Variants in RSU1 observed in about 807,000 individuals in gnomAD.
RSU1 encodes the protein Ras suppressor protein 1, also known as rsu-1.
A neutral mutation model predicts 31.1 loss-of-function variants in RSU1; 26 were observed. That is an observed-to-expected ratio of 0.84 (90% CI 0.61 to 1.16). RSU1 has a LOEUF of 1.16. RSU1 is among the 50% of genes most tolerant of loss of function. The pLI is 0.00. For missense variants in RSU1, 320 were observed against 339.1 expected (o/e 0.94, Z 0.44); for synonymous variants, 164 against 136.3 (o/e 1.20, Z -1.41).
rs143337913 is a variant in RSU1 at position 16,666,623 on chromosome 10, A to T, written c.731+28400T>A. Among the ~76,000 whole-genome samples, 495 of 152,264 alleles carry T rather than the reference A, an allele frequency of 3.3e-3. 6 individuals are homozygous for T. The highest frequency in any genetic ancestry group is 0.011 in the African/African-American group (471 of 41,552). On this transcript the variant is annotated intron_variant, in intron 8 of 8. Coordinates refer to ENST00000345264, the MANE Select transcript of RSU1 (RefSeq NM_012425.4). ...CTATTATAACAAGTTTGTGTTTTGC[A>T]AGGATAGACCTAACTGCCCCTGGGA...
intron 3 of RSU1, among the ~76,000 whole-genome samples, chr10:16,764,783 A>G (rs1837279590): frequency 6.6e-6 from 1 of 152,224 alleles, no homozygotes; most frequent in Non-Finnish European, 1.5e-5. Context: ...CAGAGCAAAA[A>G]TGCACAACAG....
chr10:16,675,174 C>A (rs1835203907), intron 8 of RSU1, among the ~76,000 whole-genome samples: 1 of 136,736 alleles, frequency 7.3e-6, no homozygotes, highest in Non-Finnish European at 1.5e-5. Context: ...GCACTCCAGC[C>A]TGGGTAACAG....
chr10:16,802,191 C>T (rs1165111854), intron 2 of RSU1, among the ~76,000 whole-genome samples: 1 of 114,522 alleles, frequency 8.7e-6, no homozygotes, highest in Admixed American at 8.3e-5. Flanking sequence ...GGGAGGCTAA[C>T]CAAAAAAAAA....
chr10:16,677,952 C>T (rs1169350645), intron 8 of RSU1, among the ~76,000 whole-genome samples: 1 of 151,622 alleles, frequency 6.6e-6, no homozygotes, highest in Admixed American at 6.6e-5. Flanking sequence ...GAAACACACA[C>T]GTCATCTTAG....
intron 2 of RSU1, among the ~76,000 whole-genome samples, chr10:16,812,545 C>T (rs1838430850): frequency 6.6e-6 from 1 of 152,086 alleles, no homozygotes; most frequent in South Asian, 2.1e-4. Context: ...CAAAGAAGGT[C>T]GACATGGATA....
intron 8 of RSU1, among the ~76,000 whole-genome samples, chr10:16,650,746 CT>C (rs11333769): frequency 0.023 from 3,371 of 148,720 alleles, 130 homozygotes; most frequent in African/African-American, 0.078. Flanking sequence ...CACCCGGCTA[CT>C]TTTTTTTTTA....
intron 7 of RSU1, among the ~76,000 whole-genome samples, chr10:16,735,568 G>C (rs1836608995): frequency 6.6e-6 from 1 of 152,120 alleles, no homozygotes. Flanking sequence ...TGCTAATAAA[G>C]ACATACCCAA....
intron 7 of RSU1, among the ~76,000 whole-genome samples, chr10:16,704,479 C>T (rs1050144348): frequency 3.3e-5 from 5 of 152,178 alleles, no homozygotes; most frequent in Admixed American, 2.6e-4. Context: ...CTTTCAGAGG[C>T]CTTGGTCTTT....
intron 4 of RSU1, among the ~76,000 whole-genome samples, chr10:16,761,015 C>T (rs1012292298): frequency 2.0e-5 from 3 of 152,168 alleles, no homozygotes; most frequent in African/African-American, 7.2e-5. Context: ...GATCTCAGTT[C>T]ACTGAAACCT....
intron 8 of RSU1, among the ~76,000 whole-genome samples, chr10:16,607,415 G>C (rs985438805): frequency 5.3e-5 from 8 of 152,196 alleles, no homozygotes; most frequent in Non-Finnish European, 1.2e-4. Context: ...TTTAATCTAA[G>C]TTCAGGCCTA....
At chr10:16,667,029 AAACAACAACAAC>A (rs56748832) in intron 8 of RSU1, among the ~76,000 whole-genome samples, 9 of 151,026 alleles carry the variant, frequency 6.0e-5, no homozygotes, top group Non-Finnish European at 3.0e-5. Flanking sequence ...AAAGCAAAAC[AAACAACAACAAC>A]AACAACAACA....
chr10:16,790,174 A>G (rs1837882126), intron 2 of RSU1, among the ~76,000 whole-genome samples: 1 of 152,204 alleles, frequency 6.6e-6, no homozygotes, highest in Non-Finnish European at 1.5e-5. Flanking sequence ...ATTTCAAAAG[A>G]AAGACAATCA....
chr10:16,630,730 G>T (rs936304303), intron 8 of RSU1, among the ~76,000 whole-genome samples: 11 of 152,162 alleles, frequency 7.2e-5, no homozygotes, highest in African/African-American at 2.4e-4. Flanking sequence ...CTTCCTGGGT[G>T]GTACTTGCTA....
At chr10:16,675,184 G>C (rs977429090) in intron 8 of RSU1, among the ~76,000 whole-genome samples, 5 of 142,222 alleles carry the variant, frequency 3.5e-5, no homozygotes, top group African/African-American at 1.3e-4. Flanking sequence ...CTGGGTAACA[G>C]AGCGAGACTC....
At chr10:16,677,187 A>T (rs149294241) in intron 8 of RSU1, among the ~76,000 whole-genome samples, 32 of 152,306 alleles carry the variant, frequency 2.1e-4, no homozygotes, top group African/African-American at 7.2e-4. Flanking sequence ...GGAAAATGAG[A>T]CAACGTTCTT....
chr10:16,738,506 T>C lies in RSU1; in HGVS notation c.598+14033A>G, dbSNP rs146578053. 4.9e-3 allele frequency among the ~76,000 whole-genome samples: 747 copies of C among 151,886 alleles called. 19 individuals carry two copies. The East Asian group carries it at 0.05, about 10-fold the overall frequency. Reference sequence around the variant, plus strand: ...CACGTAAGCTTTCACCTAAACAAGCTAGAAAAATCACAGCCAGCTGTACTC... The same window carrying C: ...CACGTAAGCTTTCACCTAAACAAGCCAGAAAAATCACAGCCAGCTGTACTC... On this transcript the variant is annotated intron_variant, in intron 7 of 8. Coordinates refer to ENST00000345264, the MANE Select transcript of RSU1 (RefSeq NM_012425.4).
intron 8 of RSU1, among the ~76,000 whole-genome samples, chr10:16,656,979 CTT>C (rs2131522213): frequency 6.6e-6 from 1 of 152,316 alleles, no homozygotes; most frequent in African/African-American, 2.4e-5. Context: ...ACACTGTTCT[CTT>C]TAAATCTTGG....
At chr10:16,699,154 C>A (rs925320266) in intron 7 of RSU1, among the ~76,000 whole-genome samples, 1 of 152,108 alleles carries the variant, frequency 6.6e-6, no homozygotes, top group Admixed American at 6.5e-5. Flanking sequence ...GAAATGGAAA[C>A]CGCGCGAGCG....
intron 7 of RSU1, among the ~76,000 whole-genome samples, chr10:16,698,282 G>A (rs552957734): frequency 1.3e-5 from 2 of 151,924 alleles, no homozygotes; most frequent in African/African-American, 4.8e-5. Flanking sequence ...AGCCTTGCTC[G>A]ATCATCCGAA....
Sources: allele counts gnomAD v4.1 joint callset (sites outside exome capture counted in the v4.1 genomes callset), GRCh38; gene constraint gnomAD v4.1.1; transcripts MANE v1.5; gene names NCBI Gene and HGNC (gene_info 2026-07-23, HGNC 2026-07-21).